DNM3: variants seen among roughly 807,000 people sequenced by gnomAD.
DNM3 encodes dynamin-3.
DNM3 carries 47 observed loss-of-function variants against 101.6 expected under a neutral mutation model. That is an observed-to-expected ratio of 0.46 (90% confidence interval 0.37 to 0.59). The LOEUF is 0.59. Ranked by LOEUF, DNM3 falls within the 20% of genes least tolerant of loss-of-function variation. DNM3 has a pLI of 0.00. For missense variants in DNM3, 849 were observed against 1,085.7 expected, an observed-to-expected ratio of 0.78 and a Z score of 3.06; for synonymous variants, 385 against 387.9, an observed-to-expected ratio of 0.99 and a Z score of 0.09.
intron 2 of DNM3, among the ~76,000 whole-genome samples, chr1:171,964,240 C>T (rs990643201): frequency 4.6e-5 from 7 of 152,162 alleles, no homozygotes; most frequent in African/African-American, 1.4e-4. Flanking sequence ...AATTAAGAGT[C>T]TGGCACCTTT....
At chr1:172,017,470 A>G (rs1385614966) in intron 4 of DNM3, among the ~76,000 whole-genome samples, 1 of 152,118 alleles carries the variant, frequency 6.6e-6, no homozygotes, top group Non-Finnish European at 1.5e-5. Flanking sequence ...TTAGAAGTGT[A>G]TAGGTTAATC....
At chr1:172,071,182 T>C (rs2052161981) in intron 11 of DNM3, among the ~76,000 whole-genome samples, 1 of 148,326 alleles carries the variant, frequency 6.7e-6, no homozygotes, top group Non-Finnish European at 1.5e-5. Context: ...TGGCACATGG[T>C]AGATTCGAGG....
chr1:171,954,368 A>C (rs1463942296), intron 2 of DNM3, among the ~76,000 whole-genome samples: 1 of 152,176 alleles, frequency 6.6e-6, no homozygotes, highest in Non-Finnish European at 1.5e-5. Context: ...CTTACTATCT[A>C]ACCTCGTCCA....
chr1:172,173,217 G>T (rs996230360), intron 14 of DNM3, among the ~76,000 whole-genome samples: 9 of 151,708 alleles, frequency 5.9e-5, no homozygotes, highest in South Asian at 2.1e-4. Context: ...AGCCAGGGAT[G>T]GAAGAGGGAT....
intron 4 of DNM3, among the ~76,000 whole-genome samples, chr1:172,004,896 T>C (rs1015146122): frequency 6.6e-6 from 1 of 151,920 alleles, no homozygotes; most frequent in African/African-American, 2.4e-5. Flanking sequence ...GATTGGCAAA[T>C]AGGCAGCAAG....
chr1:172,202,380 A>G (rs941335895), intron 14 of DNM3, among the ~76,000 whole-genome samples: 4 of 152,158 alleles, frequency 2.6e-5, no homozygotes, highest in Non-Finnish European at 5.9e-5. Flanking sequence ...GAATCAATTT[A>G]TGTAATAGAT....
At chr1:171,988,864 G>T in intron 3 of DNM3, 81 bp from the exon 4 acceptor site, 3 of 1,260,460 alleles carry the variant, frequency 2.4e-6, no homozygotes, top group African/African-American at 3.0e-5. Context: ...GTAGAAGGCT[G>T]AGCTAAGTGA....
intron 20 of DNM3, 61 bp downstream of exon 20, chr1:172,388,870 C>A: frequency 7.6e-7 from 1 of 1,307,978 alleles, no homozygotes; most frequent in Non-Finnish European, 1.1e-6. Flanking sequence ...CATAGAATGA[C>A]AGACAAAATT....
At chr1:171,929,711 C>T (rs1163898331) in intron 2 of DNM3, among the ~76,000 whole-genome samples, 2 of 152,140 alleles carry the variant, frequency 1.3e-5, no homozygotes, top group Non-Finnish European at 2.9e-5. Flanking sequence ...GGAGCTCCAT[C>T]CCAGGGAAGT....
chr1:172,252,379 C>A (rs1006117305), intron 14 of DNM3, among the ~76,000 whole-genome samples: 1 of 152,132 alleles, frequency 6.6e-6, no homozygotes, highest in Non-Finnish European at 1.5e-5. Flanking sequence ...GATTAGGGAG[C>A]ACAGAAGAGC....
At chr1:172,087,588 AT>A (rs1419020627) in intron 12 of DNM3, among the ~76,000 whole-genome samples, 1 of 152,104 alleles carries the variant, frequency 6.6e-6, no homozygotes, top group African/African-American at 2.4e-5. Context: ...TCCCAGTCCT[AT>A]TCTTTGCTCC....
intron 14 of DNM3, among the ~76,000 whole-genome samples, chr1:172,197,087 T>C (rs1380046985): frequency 6.6e-6 from 1 of 152,052 alleles, no homozygotes; most frequent in African/African-American, 2.4e-5. Context: ...TTTTTGTATA[T>C]GGTGTAAGGA....
chr1:172,373,764 A>G (rs1250632987), intron 17 of DNM3, among the ~76,000 whole-genome samples: 1 of 152,026 alleles, frequency 6.6e-6, no homozygotes, highest in Non-Finnish European at 1.5e-5. Context: ...CAGAAGAATG[A>G]GAGAGAGAAG....
At chr1:172,375,861 A>C (rs1461791259) in intron 17 of DNM3, among the ~76,000 whole-genome samples, 1 of 145,590 alleles carries the variant, frequency 6.9e-6, no homozygotes, top group East Asian at 2.0e-4. Flanking sequence ...AAAAAAAGGC[A>C]AAATTAGCTG....
intron 20 of DNM3, among the ~76,000 whole-genome samples, chr1:172,390,739 A>G (rs73046856): frequency 0.019 from 2,826 of 152,340 alleles, 83 homozygotes; most frequent in African/African-American, 0.064. Flanking sequence ...ATTGACTAGG[A>G]AAGTGTCTGC....
In DNM3 at chr1:172,239,798, C is replaced by CTTTTTTTTTTT. The variant is rs369238528; in HGVS notation, c.1660-13774_1660-13773insTTTTTTTTTTT. 1.4e-3 allele frequency among the ~76,000 whole-genome samples: 147 copies of CTTTTTTTTTTT among 106,870 alleles called. 9 individuals carry two copies. The highest frequency in any genetic ancestry group is 3.8e-3 in the African/African-American group (106 of 28,176). The allele number at this position is 106,870 out of a possible 152,430, so 70.1% of individuals were successfully genotyped here. On this transcript the variant is annotated intron_variant, in intron 14 of 20. Coordinates refer to ENST00000627582, the MANE Select transcript of DNM3 (RefSeq NM_015569.5). ...TTTCTCCAGCCCTGTCTTTTTTTTT[C>CTTTTTTTTTTT]TCTTTTTTTTTTTTTTTTTTTTGTA...
At chr1:171,998,632 G>A (rs1363304803) in intron 4 of DNM3, among the ~76,000 whole-genome samples, 1 of 152,034 alleles carries the variant, frequency 6.6e-6, no homozygotes, top group African/African-American at 2.4e-5. Context: ...TCTAATGGGG[G>A]AAACAGCCAG....
intron 17 of DNM3, among the ~76,000 whole-genome samples, chr1:172,341,412 G>A (rs1448432130): frequency 1.3e-5 from 2 of 152,116 alleles, no homozygotes; most frequent in Non-Finnish European, 2.9e-5. Context: ...AACCAAAAAT[G>A]ATCCTGAATA....
chr1:172,017,175 C>T (rs1203857866), intron 4 of DNM3, among the ~76,000 whole-genome samples: 1 of 151,796 alleles, frequency 6.6e-6, no homozygotes, highest in Non-Finnish European at 1.5e-5. Flanking sequence ...TTTTATAAAT[C>T]TTTTCAAAAA....
Sources: allele counts gnomAD v4.1 joint callset (sites outside exome capture counted in the v4.1 genomes callset), GRCh38; gene constraint gnomAD v4.1.1; transcripts MANE v1.5; gene names NCBI Gene and HGNC (gene_info 2026-07-23, HGNC 2026-07-21).